TNFSF4: variants seen among roughly 807,000 people sequenced by gnomAD.
The protein encoded by TNFSF4 is TNF superfamily member 4, also known as tumor necrosis factor ligand superfamily member 4.
Under a neutral mutation model 7.3 loss-of-function variants are expected in TNFSF4, and 4 were observed. The ratio of observed to expected loss-of-function variants is 0.55; its 90% CI spans 0.27 to 1.25. The LOEUF is 1.25. TNFSF4 is among the 50% of genes most tolerant of loss of function. The probability of loss-of-function intolerance (pLI) is 0.12; values close to 1 mark genes in which losing one functional copy is unlikely to be tolerated. For missense variants in TNFSF4, 181 were observed against 208.8 expected, an observed-to-expected ratio of 0.87 and a Z score of 0.82; for synonymous variants, 76 against 83.7, an observed-to-expected ratio of 0.91 and a Z score of 0.50.
At chr1:173,330,644 A>T in the TNFSF4 span, among the ~76,000 whole-genome samples, 1 of 152,176 alleles carries the variant, frequency 6.6e-6, no homozygotes, top group Non-Finnish European at 1.5e-5. Flanking sequence ...TCCTAACTGG[A>T]TATTAATAAT....
At chr1:173,231,272 G>T in the TNFSF4 span, among the ~76,000 whole-genome samples, 2 of 152,202 alleles carry the variant, frequency 1.3e-5, no homozygotes, top group African/African-American at 4.8e-5. Flanking sequence ...TCACCCCTGG[G>T]ATGCAAGGCT....
the TNFSF4 span, among the ~76,000 whole-genome samples, chr1:173,325,061 A>G: frequency 1.3e-5 from 2 of 152,226 alleles, no homozygotes; most frequent in Non-Finnish European, 2.9e-5. Flanking sequence ...CAGAATATAC[A>G]TTCTTTTCAG....
chr1:173,287,622 G>A, the TNFSF4 span, among the ~76,000 whole-genome samples: 1 of 151,994 alleles, frequency 6.6e-6, no homozygotes, highest in African/African-American at 2.4e-5. Context: ...ATATGTACAA[G>A]GATGTTCTCA....
the TNFSF4 span, among the ~76,000 whole-genome samples, chr1:173,295,414 T>A: frequency 6.6e-6 from 1 of 152,020 alleles, no homozygotes; most frequent in Non-Finnish European, 1.5e-5. Flanking sequence ...AAGGAATTAA[T>A]CATTGTTCAA....
At chr1:173,375,520 G>A in the TNFSF4 span, among the ~76,000 whole-genome samples, 1 of 152,184 alleles carries the variant, frequency 6.6e-6, no homozygotes. Context: ...TCAGCACTCT[G>A]TAGCTAGCAT....
At chr1:173,267,792 G>C in the TNFSF4 span, among the ~76,000 whole-genome samples, 1 of 152,000 alleles carries the variant, frequency 6.6e-6, no homozygotes, top group East Asian at 1.9e-4. Context: ...AATTTCCGGA[G>C]AGGAGGTGGA....
chr1:173,308,190 A>C, the TNFSF4 span, among the ~76,000 whole-genome samples: 1 of 151,624 alleles, frequency 6.6e-6, no homozygotes, highest in Non-Finnish European at 1.5e-5. Context: ...TCTTTTGATA[A>C]ACAGAAGTTT....
the TNFSF4 span, among the ~76,000 whole-genome samples, chr1:173,425,920 G>A: frequency 6.6e-6 from 1 of 152,188 alleles, no homozygotes; most frequent in African/African-American, 2.4e-5. Context: ...AGTCCTTACT[G>A]GGACAAAAGA....
chr1:173,441,121 C>T, the TNFSF4 span, among the ~76,000 whole-genome samples: 2 of 152,182 alleles, frequency 1.3e-5, no homozygotes, highest in African/African-American at 4.8e-5. Context: ...CAAAACAGTT[C>T]AACTCCAACC....
chr1:173,313,323 C>A, the TNFSF4 span, among the ~76,000 whole-genome samples: 6 of 151,964 alleles, frequency 3.9e-5, no homozygotes, highest in African/African-American at 1.4e-4. Context: ...AAAGATAATA[C>A]AGAATTCATT....
the TNFSF4 span, among the ~76,000 whole-genome samples, chr1:173,241,480 GT>G: frequency 6.6e-6 from 1 of 152,206 alleles, no homozygotes. Context: ...AAGTAAGCAT[GT>G]GTTCTGATTA....
the TNFSF4 span, among the ~76,000 whole-genome samples, chr1:173,333,302 C>T: frequency 7.5e-6 from 1 of 134,128 alleles, no homozygotes; most frequent in Non-Finnish European, 1.6e-5. Flanking sequence ...TGGACGGGCC[C>T]CATCCAATCA....
chr1:173,261,651 C>T, the TNFSF4 span, among the ~76,000 whole-genome samples: 5 of 152,224 alleles, frequency 3.3e-5, no homozygotes, highest in East Asian at 9.6e-4. Context: ...GAGGATATCA[C>T]CACTGACCCC....
chr1:173,318,172 C>T, the TNFSF4 span, among the ~76,000 whole-genome samples: 1 of 152,164 alleles, frequency 6.6e-6, no homozygotes, highest in Non-Finnish European at 1.5e-5. Context: ...CATGGTGGCT[C>T]ATGCCTGTCT....
At chr1:173,220,759 A>G in the TNFSF4 span, among the ~76,000 whole-genome samples, 1 of 152,190 alleles carries the variant, frequency 6.6e-6, no homozygotes, top group Non-Finnish European at 1.5e-5. Context: ...TGGCACCTTG[A>G]TATTGAACTT....
chr1:173,306,925 T>A, the TNFSF4 span, among the ~76,000 whole-genome samples: 2 of 151,874 alleles, frequency 1.3e-5, no homozygotes, highest in African/African-American at 4.8e-5. Flanking sequence ...TTGAGTCAGA[T>A]ACTAGTCCCT....
chr1:173,376,978 G>A, the TNFSF4 span, among the ~76,000 whole-genome samples: 4 of 152,098 alleles, frequency 2.6e-5, no homozygotes, highest in Admixed American at 6.5e-5. Context: ...GAGGATCTGC[G>A]GCTTCACTCC....
At chr1:173,212,827 C>T in the TNFSF4 span, among the ~76,000 whole-genome samples, 1 of 151,110 alleles carries the variant, frequency 6.6e-6, no homozygotes, top group Non-Finnish European at 1.5e-5. Context: ...TATGTATTCA[C>T]AATTTTTTAA....
the TNFSF4 span, among the ~76,000 whole-genome samples, chr1:173,223,347 T>G: frequency 6.6e-6 from 1 of 152,132 alleles, no homozygotes; most frequent in Admixed American, 6.5e-5. Flanking sequence ...CAATGAACAT[T>G]TCCTTAAAAT....
Sources: gnomAD v4.1 joint callset for allele counts (sites outside exome capture counted in the v4.1 genomes callset) on GRCh38, gnomAD v4.1.1 for gene constraint, MANE v1.5 for transcripts, NCBI Gene and HGNC (gene_info 2026-07-23, HGNC 2026-07-21) for gene names.